Variants in TLCD3B observed in about 807,000 individuals in gnomAD.
TLCD3B encodes the protein ceramide synthase.
TLCD3B carries 9 observed loss-of-function variants against 23.0 expected under a neutral mutation model. The ratio of observed to expected loss-of-function variants is 0.39; its 90% CI spans 0.24 to 0.68. TLCD3B has a LOEUF of 0.68. Among genes scored for constraint, TLCD3B ranks in the 30% least tolerant of loss-of-function variants. The probability of loss-of-function intolerance (pLI) is 0.44; values close to 1 mark genes in which losing one functional copy is unlikely to be tolerated. For missense variants in TLCD3B, 307 were observed against 371.8 expected (o/e 0.83, Z 1.43); for synonymous variants, 161 against 161.0 (o/e 1.00, Z 0.00).
rs2071289933 is a variant in TLCD3B, at chr16:30,029,596, G to T, written c.126-81C>A. The T allele has an allele frequency of 2.4e-6, 3 of 1,234,930 alleles. No individual in the cohort carries two copies. The South Asian group carries it at 3.8e-5, about 16-fold the overall frequency. 76.5% of individuals were successfully genotyped at this position (1,234,930 alleles called of 1,614,324 possible). ...GATTTCTCCTCGTTGCTAGTCTAAC[G>T]ACTGCGCTTTGCGTTCAGCCACTTC... On this transcript the variant is annotated intron_variant, in intron 1 of 4. Coordinates refer to ENST00000380495, the MANE Select transcript of TLCD3B (RefSeq NM_031478.6). This position sits in a 1 kb window ranked among gnomAD's most constrained non-coding sequence, Gnocchi z 4.6.
At chr16:30,045,535 G>GGT (rs1333645620) in intron 2 of TLCD3B, among the ~76,000 whole-genome samples, 5 of 131,654 alleles carry the variant, frequency 3.8e-5, no homozygotes, top group Non-Finnish European at 8.1e-5. Flanking sequence ...TGGTATGTGT[G>GGT]GTGTGTGTGT....
At chr16:30,043,292 T>G (rs35478648) in intron 2 of TLCD3B, among the ~76,000 whole-genome samples, 8,566 of 152,226 alleles carry the variant, frequency 0.056, 335 homozygotes, top group South Asian at 0.11. Flanking sequence ...CTGGTACGAT[T>G]AGCTCACTGT....
upstream of TLCD3B, among the ~76,000 whole-genome samples, chr16:30,034,800 G>A (rs961356095): frequency 6.6e-6 from 1 of 152,092 alleles, no homozygotes; most frequent in Non-Finnish European, 1.5e-5. Flanking sequence ...ACATCTCCAC[G>A]AAGAAAGGAA....
Position 30,026,856 on chromosome 16 carries a change from G to T in TLCD3B, c.210-13C>A. 6.2e-7 allele frequency: 1 copy of T among 1,611,086 alleles called. No individual in the cohort carries two copies. Among genetic ancestry groups the T allele is most frequent in the Non-Finnish European group, 8.5e-7 (1 of 1,177,850 alleles). ...GGACAGCCAGTGTCTGTTGGGCAGAGAGACGGGGTGGGGGAGCAAGGAGGA... is the reference window on the plus strand; with the variant it reads ...GGACAGCCAGTGTCTGTTGGGCAGATAGACGGGGTGGGGGAGCAAGGAGGA... On this transcript the variant is annotated splice_polypyrimidine_tract_variant and intron_variant, in intron 2 of 4. Transcript: ENST00000380495.
In TLCD3B at chr16:30,030,670, G is replaced by A. The variant is rs866601370; in HGVS notation, c.-143C>T. On this transcript the variant is annotated 5_prime_UTR_variant, in exon 1 of 5. Coordinates refer to ENST00000380495, the MANE Select transcript of TLCD3B (RefSeq NM_031478.6). Reference sequence around the variant, plus strand: ...AGAAGGGGCACAAAGGGGCCAGGGCGGGGACGGGATGGGGCCAGGGAGTCC... The same window carrying A: ...AGAAGGGGCACAAAGGGGCCAGGGCAGGGACGGGATGGGGCCAGGGAGTCC... 7.1e-5 allele frequency: 94 copies of A among 1,319,462 alleles called. 3 individuals are homozygous for A. Among genetic ancestry groups the A allele is most frequent in the Middle Eastern group, 5.8e-4 (2 of 3,478 alleles). The allele number at this position is 1,319,462 out of a possible 1,614,324, so 81.7% of individuals were successfully genotyped here.
chr16:30,040,148 A>AAAAATATT (rs57305605), intron 3 of TLCD3B, among the ~76,000 whole-genome samples: 1 of 37,638 alleles, frequency 2.7e-5, no homozygotes, highest in Non-Finnish European at 7.4e-5. Context: ...AAAAAAAAAA[A>AAAAATATT]TATATATATA....
rs977342563 is a variant in TLCD3B, at chr16:30,029,005, T to C, written c.209+427A>G. Among the ~76,000 whole-genome samples, 1 of 152,124 alleles carries C rather than the reference T, an allele frequency of 6.6e-6. No homozygotes were observed. The highest frequency in any genetic ancestry group is 2.1e-4 in the South Asian group (1 of 4,826). On this transcript the variant is annotated intron_variant, in intron 2 of 4. Transcript: ENST00000380495. The surrounding 1 kb of genome is among the most constrained non-coding windows in gnomAD (Gnocchi z 4.6). Reference sequence around the variant, plus strand: ...TGTGCGTGTCATCTCTCCCTTGTCCTCTCCCTCAGGCATGGAGTGGATGCC... The same window carrying C: ...TGTGCGTGTCATCTCTCCCTTGTCCCCTCCCTCAGGCATGGAGTGGATGCC...
In TLCD3B at chr16:30,029,407, C is replaced by G. The variant is rs774540310; in HGVS notation, c.209+25G>C. ...TACACGCCAACCACTGGCACCTGGG[C>G]AGGGGGGTGTCTCGCAGCACTTACT... On this transcript the variant is annotated intron_variant, in intron 2 of 4. Transcript: ENST00000380495. This position sits in a 1 kb window ranked among gnomAD's most constrained non-coding sequence, Gnocchi z 4.6. The G allele has an allele frequency of 6.8e-6, 11 of 1,607,208 alleles. No individual in the cohort carries two copies. Among genetic ancestry groups the G allele is most frequent in the African/African-American group, 1.3e-5 (1 of 74,776 alleles).
intron 1 of TLCD3B, among the ~76,000 whole-genome samples, chr16:30,052,194 C>G (rs1216065013): frequency 6.6e-6 from 1 of 151,716 alleles, no homozygotes; most frequent in Non-Finnish European, 1.5e-5. Flanking sequence ...ATGGTGAAAC[C>G]CCGTCTCTAC....
intron 3 of TLCD3B, among the ~76,000 whole-genome samples, chr16:30,039,163 A>G (rs1567307423): frequency 8.5e-6 from 1 of 117,258 alleles, no homozygotes; most frequent in Admixed American, 1.3e-4. Flanking sequence ...TTATCCAGGT[A>G]TCCAGGCTGG....
intron 3 of TLCD3B, chr16:30,036,643 T>C (rs2150989721): frequency 3.4e-6 from 1 of 290,116 alleles, no homozygotes; most frequent in South Asian, 3.2e-5. Context: ...AGTTGATACA[T>C]GTGCCCTATC....
At chr16:30,049,455 C>T (rs2071718018) in intron 1 of TLCD3B, among the ~76,000 whole-genome samples, 1 of 152,170 alleles carries the variant, frequency 6.6e-6, no homozygotes. Flanking sequence ...CCACCCACCC[C>T]ACGATTATTG....
chr16:30,037,522 G>T (rs1351998497), intron 3 of TLCD3B, among the ~76,000 whole-genome samples: 1 of 146,930 alleles, frequency 6.8e-6, no homozygotes, highest in Non-Finnish European at 1.5e-5. Flanking sequence ...CAGCCTGGGC[G>T]ACAGAGCGAG....
chr16:30,028,571 TAACTC>T (rs1054414611), intron 2 of TLCD3B, among the ~76,000 whole-genome samples: 6 of 152,088 alleles, frequency 3.9e-5, no homozygotes, highest in Non-Finnish European at 7.4e-5. Flanking sequence ...AGCTGCCACT[TAACTC>T]AATTCCTCTC....
chr16:30,049,913 G>T (rs1321888265), intron 1 of TLCD3B, among the ~76,000 whole-genome samples: 1 of 140,718 alleles, frequency 7.1e-6, no homozygotes, highest in Admixed American at 7.4e-5. Context: ...AACAGAGCAA[G>T]ACTCCATCTC....
chr16:30,040,107 C>T (rs1308277583), intron 3 of TLCD3B, among the ~76,000 whole-genome samples: 2 of 136,340 alleles, frequency 1.5e-5, no homozygotes, highest in Non-Finnish European at 3.0e-5. Flanking sequence ...GCACTCCAAT[C>T]TGGGCAACAC....
At chr16:30,041,263 T>C (rs1033186979) in intron 2 of TLCD3B, 15 of 152,070 alleles carry the variant, frequency 9.9e-5, no homozygotes, top group African/African-American at 3.6e-4. Context: ...TCTTTATGTA[T>C]TTATTTTTTG....
chr16:30,052,074 T>C (rs563664276), intron 1 of TLCD3B, among the ~76,000 whole-genome samples: 10 of 151,580 alleles, frequency 6.6e-5, no homozygotes, highest in African/African-American at 2.4e-4. Context: ...CTCTAAAAAT[T>C]CAGAAAAAAA....
At chr16:30,034,410 CAAAAAA>C (rs34825633), upstream of TLCD3B, among the ~76,000 whole-genome samples, 313 of 116,034 alleles carry the variant, frequency 2.7e-3, 2 homozygotes, top group African/African-American at 8.3e-3. Flanking sequence ...CTGTCTCTAC[CAAAAAA>C]AAAAAAAAAA....
Sources: allele counts gnomAD v4.1 joint callset (sites outside exome capture counted in the v4.1 genomes callset), GRCh38; gene constraint gnomAD v4.1.1; non-coding constraint Gnocchi (gnomAD v3.1); transcripts MANE v1.5; gene names NCBI Gene and HGNC (gene_info 2026-07-23, HGNC 2026-07-21).